ARHGAP36: variants seen among roughly 807,000 people sequenced by gnomAD.
ARHGAP36 encodes the protein rho GTPase-activating protein 36.
A neutral mutation model predicts 32.9 loss-of-function variants in ARHGAP36; 7 were observed. The ratio of observed to expected loss-of-function variants is 0.21; its 90% confidence interval spans 0.12 to 0.40. The LOEUF is 0.40. ARHGAP36 is among the 10% of genes least tolerant of loss of function. The pLI is 1.00. For missense variants in ARHGAP36, 383 were observed against 442.2 expected (o/e 0.87, Z 1.20); for synonymous variants, 165 against 168.3 (o/e 0.98, Z 0.15).
chrX:131,083,624 G>A (rs751952119), intron 3 of ARHGAP36, 110 bp from the exon 4 acceptor site: 10 of 761,272 alleles, frequency 1.3e-5, no homozygotes, highest in Non-Finnish European at 2.0e-5. Flanking sequence ...CTGGAGAGGT[G>A]GGGTTGGCTG....
rs184755240 is a variant in ARHGAP36, at chrX:131,059,286, C to T, written c.-143+842C>T. Among the ~76,000 whole-genome samples, 4 of 110,744 alleles carry T rather than the reference C, an allele frequency of 3.6e-5. No homozygotes were observed. In the East Asian group the frequency reaches 1.1e-3, roughly 31 times the overall value. Reference sequence around the variant, plus strand: ...AGACTGATATTTTCTTTTTGACATACCCCAGGACCCCCACCCACACTGTCC... The same window carrying T: ...AGACTGATATTTTCTTTTTGACATATCCCAGGACCCCCACCCACACTGTCC... On this transcript the variant is annotated intron_variant, in intron 1 of 11. Transcript: ENST00000276211.
At chrX:131,066,249 G>T (rs1569364205) in intron 1 of ARHGAP36, among the ~76,000 whole-genome samples, 1 of 111,739 alleles carries the variant, frequency 8.9e-6, no homozygotes, top group African/African-American at 3.3e-5. Flanking sequence ...GCAGATGCTT[G>T]CTCTATTTGA....
intron 5 of ARHGAP36, 84 bp downstream of exon 5, chrX:131,084,491 C>T (rs2079823601): frequency 8.8e-7 from 1 of 1,141,002 alleles, no homozygotes; most frequent in Non-Finnish European, 1.2e-6. Flanking sequence ...GAAAAGAGGC[C>T]GAGGATGAAG....
intron 1 of ARHGAP36, among the ~76,000 whole-genome samples, chrX:131,068,317 CGAG>C (rs1408467951): frequency 9.1e-6 from 1 of 109,788 alleles, no homozygotes; most frequent in Non-Finnish European, 1.9e-5. Flanking sequence ...GAGAAGGGGG[CGAG>C]GAGGAGAGGA....
At chrX:131,074,374 AGG>A (rs2079750122) in intron 1 of ARHGAP36, among the ~76,000 whole-genome samples, 1 of 108,847 alleles carries the variant, frequency 9.2e-6, no homozygotes, top group Admixed American at 9.8e-5. Context: ...AGAGAGAGAG[AGG>A]GAAAATGCTT....
chrX:131,082,754 G>T (rs1055462078), intron 2 of ARHGAP36, among the ~76,000 whole-genome samples: 1 of 113,198 alleles, frequency 8.8e-6, no homozygotes, highest in African/African-American at 3.2e-5. Flanking sequence ...GCAACCTGGT[G>T]CGAGCGCGCC....
intron 1 of ARHGAP36, among the ~76,000 whole-genome samples, chrX:131,062,778 C>T (rs2079676173): frequency 8.9e-6 from 1 of 111,935 alleles, no homozygotes; most frequent in Non-Finnish European, 1.9e-5. Flanking sequence ...TATCTCTAAC[C>T]ATAACAACTT....
At chrX:131,079,382 G>A (rs761464277) in intron 1 of ARHGAP36, among the ~76,000 whole-genome samples, 9 of 111,453 alleles carry the variant, frequency 8.1e-5, no homozygotes, top group Non-Finnish European at 1.5e-4. Context: ...TAATATCTAT[G>A]CTAGGTGTTT....
intron 1 of ARHGAP36, among the ~76,000 whole-genome samples, chrX:131,073,343 C>T (rs2079742538): frequency 8.9e-6 from 1 of 112,571 alleles, no homozygotes; most frequent in Non-Finnish European, 1.9e-5. Context: ...AGGCCATGCT[C>T]TGCAGCGCAG....
Position 131,058,361 on chromosome X carries a change from G to C in ARHGAP36, c.-226G>C, listed in dbSNP as rs1350192938. On this transcript the variant is annotated 5_prime_UTR_variant, in exon 1 of 12. Transcript: ENST00000276211. ...GGGGGACGACGCAAAGGTTAACTGC[G>C]AGCTGCCGGGCACTCAGCGCGGGTC... is the stretch of plus-strand genomic sequence containing the variant. 1.8e-6 allele frequency: 2 copies of C among 1,126,462 alleles called. No homozygotes were observed. Among genetic ancestry groups the C allele is most frequent in the Non-Finnish European group, 2.3e-6 (2 of 853,274 alleles). The allele number at this position is 1,126,462 out of a possible 1,213,427, so 92.8% of individuals were successfully genotyped here.
Position 131,077,631 on chromosome X carries a change from G to C in ARHGAP36, c.-142-3893G>C, listed in dbSNP as rs1023663675. Among the ~76,000 whole-genome samples the C allele has an allele frequency of 3.6e-5, 4 of 109,696 alleles. No individual in the cohort carries two copies. The East Asian group carries it at 8.6e-4, about 24-fold the overall frequency. On this transcript the variant is annotated intron_variant, in intron 1 of 11. Transcript: ENST00000276211. ...CATTTTGGGAGGACGTGAGAAACAG[G>C]CTTGATGCCATTCAAGTGTGTTTCC...
chrX:131,069,754 C>T (rs2079723316), intron 1 of ARHGAP36, among the ~76,000 whole-genome samples: 1 of 112,031 alleles, frequency 8.9e-6, no homozygotes, highest in African/African-American at 3.3e-5. Context: ...AACTCCAATC[C>T]TTGGATTTGT....
At chrX:131,062,793 A>C (rs764438403) in intron 1 of ARHGAP36, among the ~76,000 whole-genome samples, 6 of 112,014 alleles carry the variant, frequency 5.4e-5, no homozygotes, top group Admixed American at 2.8e-4. Flanking sequence ...CAACTTTCTG[A>C]GGTTAGTATT....
chrX:131,084,364 C>T lies in ARHGAP36; in HGVS notation c.705C>T (p.Ile235=), dbSNP rs775947738. The change falls in exon 5 of 12, where the codon ATC becomes ATT. Residue 235 remains isoleucine (I), a synonymous_variant. Transcript: ENST00000276211. ...KMSLNPIAKQ[I]PQVVEACCQF... Reference sequence around the variant, plus strand: ...GTCTCAATCCGATTGCGAAACAAATCCCCCAGGTTGTTGAGGCTTGCTGCC... The same window carrying T: ...GTCTCAATCCGATTGCGAAACAAATTCCCCAGGTTGTTGAGGCTTGCTGCC... 1.7e-6 allele frequency: 2 copies of T among 1,210,018 alleles called. No individual in the cohort carries two copies. The highest frequency in any genetic ancestry group is 2.2e-6 in the Non-Finnish European group (2 of 894,940).
At chrX:131,081,362 T>C (rs1461320435) in intron 1 of ARHGAP36, among the ~76,000 whole-genome samples, 162 bp from the exon 2 acceptor site, 1 of 111,938 alleles carries the variant, frequency 8.9e-6, no homozygotes, top group African/African-American at 3.2e-5. Flanking sequence ...AATACTATCT[T>C]ATTTTTGTTT....
chrX:131,074,923 T>C (rs2079753294), intron 1 of ARHGAP36, among the ~76,000 whole-genome samples: 1 of 112,587 alleles, frequency 8.9e-6, no homozygotes, highest in Non-Finnish European at 1.9e-5. Context: ...TATCACACAG[T>C]TAGCTGCCTT....
chrX:131,061,292 T>C (rs897756329), intron 1 of ARHGAP36, among the ~76,000 whole-genome samples: 1 of 111,359 alleles, frequency 9.0e-6, no homozygotes, highest in Non-Finnish European at 1.9e-5. Context: ...TAGGTATACA[T>C]GTGCCACGTT....
chrX:131,062,187 A>T (rs1471718893), intron 1 of ARHGAP36, among the ~76,000 whole-genome samples: 1 of 112,535 alleles, frequency 8.9e-6, no homozygotes, highest in African/African-American at 3.2e-5. Flanking sequence ...AAATGGTATG[A>T]TTGTAACTGT....
At chrX:131,064,976 T>C (rs1216955988) in intron 1 of ARHGAP36, among the ~76,000 whole-genome samples, 21 of 108,260 alleles carry the variant, frequency 1.9e-4, no homozygotes, top group Non-Finnish European at 7.6e-5. Flanking sequence ...ACACATTTTC[T>C]GAACTCCAAA....
Sources: gnomAD v4.1 joint callset for allele counts (sites outside exome capture counted in the v4.1 genomes callset) on GRCh38, gnomAD v4.1.1 for gene constraint, MANE v1.5 for transcripts, NCBI Gene and HGNC (gene_info 2026-07-23, HGNC 2026-07-21) for gene names.